The following ERBB3 variants were observed in gnomAD, a reference collection of about 807,000 sequenced individuals.
The protein encoded by ERBB3 is receptor tyrosine-protein kinase erbB-3.
In ERBB3, 96 loss-of-function variants were observed where a neutral mutation model predicts 156.7. The ratio of observed to expected loss-of-function variants is 0.61; its 90% CI spans 0.52 to 0.73. ERBB3 has a LOEUF of 0.73. Among genes scored for constraint, ERBB3 ranks in the 30% least tolerant of loss-of-function variants. The pLI is 0.00. For synonymous variants in ERBB3, 567 were observed against 632.0 expected, an observed-to-expected ratio of 0.90 and a Z score of 1.54; for missense variants, 1,406 against 1,709.4, an observed-to-expected ratio of 0.82 and a Z score of 3.13.
intron 20 of ERBB3, 46 bp from the exon 21 acceptor site, chr12:56,097,739 C>T (rs1182203328): frequency 3.8e-6 from 6 of 1,582,882 alleles, no homozygotes; most frequent in Admixed American, 1.7e-5. Context: ...ATCTCAGTGA[C>T]TGATTCCCCC....
intron 19 of ERBB3, 70 bp downstream of exon 19, chr12:56,096,916 G>A: frequency 7.2e-7 from 1 of 1,392,208 alleles, no homozygotes; most frequent in East Asian, 2.3e-5. Context: ...TAGAAGCAGG[G>A]TCCTGTGCTT....
rs770651825 is a variant in ERBB3, at chr12:56,093,516, A to G, written c.1446A>G (p.Leu482=). 6 of 1,613,418 alleles carry G rather than the reference A, an allele frequency of 3.7e-6. No homozygotes were observed. The East Asian group carries it at 1.3e-4, about 36-fold the overall frequency. ...KVLRGPTEER[L]DIKHNRPRRD... is the part of the protein sequence containing the mutation. The stretch of plus-strand genomic sequence containing the variant: ...TTCGGGGGCCTACGGAAGAGCGACT[A>G]GACATCAAGCATAATCGGCCGCGCA... The change falls in exon 12 of 28, where the codon CTA becomes CTG. Residue 482 remains leucine (L), a synonymous_variant. Transcript: ENST00000267101.
chr12:56,086,476 A>T, intron 3 of ERBB3, 55 bp from the exon 4 acceptor site: 1 of 1,612,124 alleles, frequency 6.2e-7, no homozygotes, highest in Non-Finnish European at 8.5e-7. Context: ...TGGAGAGGTA[A>T]GGAAGAGGCG....
chr12:56,097,360 T>TG (rs1411385375), intron 20 of ERBB3, 130 bp downstream of exon 20: 1 of 845,882 alleles, frequency 1.2e-6, no homozygotes, highest in East Asian at 2.6e-5. Context: ...TACCAGTCCA[T>TG]GGCCTGTTAG....
chr12:56,098,095 A>AG (rs1350203637), intron 21 of ERBB3, among the ~76,000 whole-genome samples, 155 bp downstream of exon 21: 1 of 152,092 alleles, frequency 6.6e-6, no homozygotes, highest in African/African-American at 2.4e-5. Context: ...AGGGCAACAA[A>AG]TAAAATAATG....
At chr12:56,083,407 G>A (rs187218416) in intron 1 of ERBB3, 17 of 367,756 alleles carry the variant, frequency 4.6e-5, no homozygotes, top group Admixed American at 7.5e-5. Flanking sequence ...TCAAAGTTGC[G>A]GCCTTTTCCT....
At chr12:56,088,704 A>G (rs756049409) in intron 8 of ERBB3, 44 bp from the exon 9 acceptor site, 6 of 1,614,010 alleles carry the variant, frequency 3.7e-6, no homozygotes. Flanking sequence ...CTTTCCTCTG[A>G]GCCTGCGCAG....
In ERBB3 at chr12:56,101,293, C is replaced by G. The variant is rs746015375; in HGVS notation, c.3434C>G (p.Pro1145Arg). ...CACAGTCTGCTGACTCCTGTTACCC[C>G]ACTCTCCCCACCCGGGTTAGAGGAA... The part of the protein sequence containing the change: ...QRHSLLTPVT[P>R]LSPPGLEEED... The change falls in exon 27 of 28, where the codon CCA becomes CGA. Residue 1145 changes from proline to arginine, a missense_variant. Transcript: ENST00000267101. 6 of 1,614,060 alleles carry G rather than the reference C, an allele frequency of 3.7e-6. No homozygotes were observed. Among genetic ancestry groups the G allele is most frequent in the Admixed American group, 1.7e-5 (1 of 60,006 alleles).
rs1869191388 is a variant in ERBB3 at position 56,103,397 on chromosome 12, ACCTCTGTCC to A, written c.*1346_*1354del. On this transcript the variant is annotated 3_prime_UTR_variant, in exon 28 of 28. Coordinates refer to ENST00000267101, the MANE Select transcript of ERBB3 (RefSeq NM_001982.4). Reference sequence around the variant, plus strand: ...AAAAAAGATCCAGCTTCAGCTGCACACCTCTGTCCCCTTGGATGGGGAACTAAGGGAAAA... The same window carrying A: ...AAAAAAGATCCAGCTTCAGCTGCACACCTTGGATGGGGAACTAAGGGAAAA... The A allele has an allele frequency of 4.6e-6, 1 of 217,534 alleles. No homozygotes were observed. Among genetic ancestry groups the A allele is most frequent in the Non-Finnish European group, 9.2e-6 (1 of 108,250 alleles). The allele number at this position is 217,534 out of a possible 1,614,324, so 13.5% of individuals were successfully genotyped here. A position where few individuals can be genotyped will look rare whatever the true frequency, so the allele number is the denominator to read the frequency against.
intron 1 of ERBB3, among the ~76,000 whole-genome samples, chr12:56,080,880 A>C (rs1205507522): frequency 6.6e-6 from 1 of 152,186 alleles, no homozygotes; most frequent in East Asian, 1.9e-4. Flanking sequence ...TTGGAAAAAC[A>C]GGAGCGGCAC....
At chr12:56,099,240 G>A (rs1476337466) in intron 23 of ERBB3, among the ~76,000 whole-genome samples, 2 of 151,480 alleles carry the variant, frequency 1.3e-5, no homozygotes, top group African/African-American at 4.9e-5. Context: ...ACAGGTGTGA[G>A]CCATCATGCT....
At chr12:56,087,685 C>T in intron 5 of ERBB3, 43 bp downstream of exon 5, 1 of 1,603,778 alleles carries the variant, frequency 6.2e-7, no homozygotes, top group African/African-American at 1.3e-5. Flanking sequence ...CATACGCTTT[C>T]ATATCCCTTC....
intron 9 of ERBB3, among the ~76,000 whole-genome samples, chr12:56,089,853 G>A (rs1318580462): frequency 6.6e-6 from 1 of 150,788 alleles, no homozygotes; most frequent in Non-Finnish European, 1.5e-5. Context: ...CTAGTCTATA[G>A]GACAGCATTT....
chr12:56,093,323 C>T (rs1868776374), intron 11 of ERBB3, 22 bp from the exon 12 acceptor site: 1 of 1,597,658 alleles, frequency 6.3e-7, no homozygotes, highest in Non-Finnish European at 8.6e-7. Flanking sequence ...TCTCTCCTCT[C>T]ATCCTGTCTC....
In ERBB3 at chr12:56,085,894, C is replaced by T. The variant is rs1364771959; in HGVS notation, c.422-637C>T. Among the ~76,000 whole-genome samples, 13 of 151,522 alleles carry T rather than the reference C, an allele frequency of 8.6e-5. No homozygotes were observed. The East Asian group carries it at 2.3e-3, about 27-fold the overall frequency. On this transcript the variant is annotated intron_variant, in intron 3 of 27. Coordinates refer to ENST00000267101, the MANE Select transcript of ERBB3 (RefSeq NM_001982.4). ...ACCATCCTGGCTAACACGGTGAAAC[C>T]CCGTCTCTACTAAAAATACAAAAAA...
chr12:56,086,802 G>A, intron 4 of ERBB3, 146 bp downstream of exon 4: 2 of 867,624 alleles, frequency 2.3e-6, no homozygotes, highest in Non-Finnish European at 3.8e-6. Flanking sequence ...CACCAGGGCA[G>A]ACCATTCCAG....
chr12:56,088,911 C>T (rs2136799279), intron 9 of ERBB3, 43 bp downstream of exon 9: 1 of 1,613,070 alleles, frequency 6.2e-7, no homozygotes. Flanking sequence ...AGCCCACGCA[C>T]CCCTCACAGT....
At chr12:56,084,598 CAAAAA>C (rs34576601) in intron 2 of ERBB3, among the ~76,000 whole-genome samples, 1 of 125,620 alleles carries the variant, frequency 8.0e-6, no homozygotes, top group Non-Finnish European at 1.6e-5. Flanking sequence ...CCTGTCTCAC[CAAAAA>C]AAAAAAAAAA....
rs1868335670 is a variant in ERBB3 at position 56,080,196 on chromosome 12, G to A, written c.-105G>A. On this transcript the variant is annotated 5_prime_UTR_variant, in exon 1 of 28. Coordinates refer to ENST00000267101, the MANE Select transcript of ERBB3 (RefSeq NM_001982.4). ...TGCAACCTCCGCTGCCGTCGCCGCA[G>A]CAGCCACCAATTCGCCAGCGGTTCA... The A allele has an allele frequency of 2.2e-6, 2 of 906,716 alleles. No homozygotes were observed. Among genetic ancestry groups the A allele is most frequent in the Non-Finnish European group, 1.8e-6 (1 of 569,420 alleles). 56.2% of individuals were successfully genotyped at this position (906,716 alleles called of 1,614,324 possible). A position where few individuals can be genotyped will look rare whatever the true frequency, so the allele number is the denominator to read the frequency against.
Sources: gnomAD v4.1 joint callset for allele counts (sites outside exome capture counted in the v4.1 genomes callset) on GRCh38, gnomAD v4.1.1 for gene constraint, MANE v1.5 for transcripts, NCBI Gene and HGNC (gene_info 2026-07-23, HGNC 2026-07-21) for gene names.